GSE1: variants seen among roughly 807,000 people sequenced by gnomAD.
GSE1 encodes genetic suppressor element 1.
In GSE1, 32 loss-of-function variants were observed where a neutral mutation model predicts 112.6. That is an observed-to-expected ratio of 0.28 (90% CI 0.21 to 0.38). The LOEUF (loss-of-function observed/expected upper bound fraction) is 0.38, where lower values mean the gene tolerates loss of function less well. Ranked by LOEUF, GSE1 falls within the 10% of genes least tolerant of loss-of-function variation. The probability of loss-of-function intolerance (pLI) is 1.00; values close to 1 mark genes in which losing one functional copy is unlikely to be tolerated. For missense variants in GSE1, 2,348 were observed against 1,699.2 expected (o/e 1.38, Z -6.71); for synonymous variants, 1,115 against 735.6 (o/e 1.52, Z -8.35).
intron 1 of GSE1, among the ~76,000 whole-genome samples, chr16:85,589,355 G>C (rs2046863830): frequency 6.6e-6 from 1 of 152,168 alleles, no homozygotes; most frequent in South Asian, 2.1e-4. Context: ...GTGGACCTGA[G>C]AGCCCTGGAC....
At chr16:85,471,071 G>A (rs1363106895) in intron 2 of GSE1, among the ~76,000 whole-genome samples, 2 of 152,152 alleles carry the variant, frequency 1.3e-5, no homozygotes, top group Admixed American at 6.5e-5. Context: ...CTCCATGGAC[G>A]CCTCCGTGGC....
chr16:85,448,332 G>T (rs1279976695), intron 2 of GSE1, among the ~76,000 whole-genome samples: 4 of 152,216 alleles, frequency 2.6e-5, no homozygotes, highest in African/African-American at 9.6e-5. Flanking sequence ...AGCCAGGGTG[G>T]AAGACCCCTG....
chr16:85,660,365 A>G (rs748492361), intron 8 of GSE1, among the ~76,000 whole-genome samples: 2 of 152,184 alleles, frequency 1.3e-5, no homozygotes, highest in Non-Finnish European at 1.5e-5. Context: ...GGCCGGGCAC[A>G]GTGGCTCACT....
intron 1 of GSE1, among the ~76,000 whole-genome samples, chr16:85,276,758 C>T (rs1187472890): frequency 6.6e-6 from 1 of 152,040 alleles, no homozygotes; most frequent in Non-Finnish European, 1.5e-5. Context: ...CGCTCGTGGC[C>T]CAGCAGCAGG....
intron 2 of GSE1, among the ~76,000 whole-genome samples, chr16:85,507,436 G>A (rs1388437308): frequency 6.6e-6 from 1 of 152,188 alleles, no homozygotes; most frequent in African/African-American, 2.4e-5. Flanking sequence ...ATTCCCATTT[G>A]GGACCGCAGG....
At chr16:85,363,685 T>C (rs2047129073) in intron 2 of GSE1, among the ~76,000 whole-genome samples, 1 of 152,192 alleles carries the variant, frequency 6.6e-6, no homozygotes, top group African/African-American at 2.4e-5. Flanking sequence ...TCCCATGCTG[T>C]GCCTCAGTTT....
intron 2 of GSE1, among the ~76,000 whole-genome samples, chr16:85,358,387 G>C (rs930603605): frequency 1.3e-5 from 2 of 152,118 alleles, no homozygotes; most frequent in Non-Finnish European, 2.9e-5. Flanking sequence ...CCATAGGTTC[G>C]TCAGCAAGAC....
intron 1 of GSE1, among the ~76,000 whole-genome samples, chr16:85,622,067 A>G (rs1173404513): frequency 6.6e-6 from 1 of 152,166 alleles, no homozygotes; most frequent in Non-Finnish European, 1.5e-5. Context: ...CATGTTGAGA[A>G]TTACAGAATC....
At position 85,292,281 on chromosome 16, in the gene GSE1, G is replaced by T. The variant is rs149431956; in HGVS notation, c.2284-65182G>T. Reference sequence around the variant, plus strand: ...AGCCTCTCTAGTAGCGAGGACTACAGGTGCACGCCACCATGCCCAGCTAAT... The same window carrying T: ...AGCCTCTCTAGTAGCGAGGACTACATGTGCACGCCACCATGCCCAGCTAAT... On this transcript the variant is annotated intron_variant, in intron 1 of 2. Transcript: ENST00000637419. Among the ~76,000 whole-genome samples, 1,422 of 149,296 alleles carry T rather than the reference G, an allele frequency of 9.5e-3. 25 individuals are homozygous for T. Among genetic ancestry groups the T allele is most frequent in the African/African-American group, 0.034 (1,360 of 40,440 alleles).
At chr16:85,438,931 T>C (rs1228722193) in intron 2 of GSE1, among the ~76,000 whole-genome samples, 2 of 152,192 alleles carry the variant, frequency 1.3e-5, no homozygotes, top group Non-Finnish European at 2.9e-5. Context: ...CGCGGCCTCC[T>C]GCCTGCCTCC....
rs184439980 is a variant in GSE1, at chr16:85,483,902, G to A, written c.2464+126259G>A. On this transcript the variant is annotated intron_variant, in intron 2 of 2. Transcript: ENST00000637419. ...CAGGCCTCTGGGCCCTGCCCGTCACGGGTACAACTCTGCTGCCATCCTCTC... is the reference window on the plus strand; with the variant it reads ...CAGGCCTCTGGGCCCTGCCCGTCACAGGTACAACTCTGCTGCCATCCTCTC... 4.0e-3 allele frequency among the ~76,000 whole-genome samples: 602 copies of A among 152,334 alleles called. 3 individuals are homozygous for A. The highest frequency in any genetic ancestry group is 0.014 in the African/African-American group (565 of 41,568).
chr16:85,212,480 A>G (rs1011888303), intron 1 of GSE1, among the ~76,000 whole-genome samples: 4 of 152,180 alleles, frequency 2.6e-5, no homozygotes, highest in African/African-American at 9.7e-5. Flanking sequence ...GATAGGACTG[A>G]TGTAGTCATA....
chr16:85,438,375 G>C (rs908069015), intron 2 of GSE1, among the ~76,000 whole-genome samples: 1 of 152,204 alleles, frequency 6.6e-6, no homozygotes, highest in South Asian at 2.1e-4. Context: ...GACAGGAGGC[G>C]GAGGGGCGCA....
At chr16:85,257,979 G>A (rs547686224) in intron 1 of GSE1, among the ~76,000 whole-genome samples, 1 of 152,366 alleles carries the variant, frequency 6.6e-6, no homozygotes, top group East Asian at 1.9e-4. Flanking sequence ...TGGGAGCTCA[G>A]GGCCTGGACT....
rs78777561 is a variant in GSE1, at chr16:85,504,945, T to C, written c.2465-128969T>C. On this transcript the variant is annotated intron_variant, in intron 2 of 2. Coordinates refer to the GSE1 transcript ENST00000637419. ...AAGGTCTGAAAGGAAGTTATGACGATGAAGTCGCTGCATCGAGAGTTCCTT... is the reference window on the plus strand; with the variant it reads ...AAGGTCTGAAAGGAAGTTATGACGACGAAGTCGCTGCATCGAGAGTTCCTT... Among the ~76,000 whole-genome samples, 1,162 of 152,320 alleles carry C rather than the reference T, an allele frequency of 7.6e-3. 16 individuals carry two copies. The highest frequency in any genetic ancestry group is 0.026 in the African/African-American group (1,074 of 41,564).
chr16:85,448,827 G>C (rs1036936927), intron 2 of GSE1, among the ~76,000 whole-genome samples: 1 of 152,218 alleles, frequency 6.6e-6, no homozygotes, highest in African/African-American at 2.4e-5. Context: ...AGCCCTTCCC[G>C]AGCCGAGCCT....
chr16:85,437,987 A>G (rs1032811061), intron 2 of GSE1, among the ~76,000 whole-genome samples: 6 of 152,136 alleles, frequency 3.9e-5, no homozygotes, highest in Admixed American at 2.6e-4. Context: ...AATAACAGCT[A>G]TTCTAACTAG....
chr16:85,640,198 C>G (rs756535243), intron 2 of GSE1, among the ~76,000 whole-genome samples: 23 of 152,278 alleles, frequency 1.5e-4, no homozygotes, highest in African/African-American at 4.3e-4. Flanking sequence ...CACCCCGCCT[C>G]CTTGTCACCA....
chr16:85,207,179 A>G (rs547984071), intron 1 of GSE1, among the ~76,000 whole-genome samples: 1 of 152,146 alleles, frequency 6.6e-6, no homozygotes, highest in African/African-American at 2.4e-5. Context: ...TGTGGAGCCG[A>G]ATCTGGGACC....
Sources: allele counts gnomAD v4.1 joint callset (sites outside exome capture counted in the v4.1 genomes callset), GRCh38; gene constraint gnomAD v4.1.1; transcripts MANE v1.5; gene names NCBI Gene and HGNC (gene_info 2026-07-23, HGNC 2026-07-21).